The following CNTNAP2 variants were observed in gnomAD, a reference collection of about 807,000 sequenced individuals.
CNTNAP2 encodes the protein contactin associated protein 2.
A neutral mutation model predicts 155.2 loss-of-function variants in CNTNAP2; 98 were observed. That is an observed-to-expected ratio of 0.63 (90% CI 0.54 to 0.75). The LOEUF (loss-of-function observed/expected upper bound fraction) is 0.75, where lower values mean the gene tolerates loss of function less well. Ranked by LOEUF, CNTNAP2 falls within the 30% of genes least tolerant of loss-of-function variation. The pLI, the probability that CNTNAP2 is intolerant of heterozygous loss-of-function variation, is 0.00. For missense variants in CNTNAP2, 1,727 were observed against 1,688.1 expected, an observed-to-expected ratio of 1.02 and a Z score of -0.40; for synonymous variants, 651 against 631.2, an observed-to-expected ratio of 1.03 and a Z score of -0.47.
At chr7:148,212,430 A>G (rs1330232793) in intron 18 of CNTNAP2, among the ~76,000 whole-genome samples, 1 of 152,144 alleles carries the variant, frequency 6.6e-6, no homozygotes, top group Non-Finnish European at 1.5e-5. Flanking sequence ...AATTAAGCAA[A>G]TCCTTTTTAT....
At chr7:147,524,921 T>C (rs1225231338) in intron 11 of CNTNAP2, among the ~76,000 whole-genome samples, 2 of 152,148 alleles carry the variant, frequency 1.3e-5, no homozygotes, top group African/African-American at 4.8e-5. Context: ...ATTTCCACCA[T>C]TAAAAATGAC....
chr7:146,749,225 A>ATT (rs1801862443), intron 1 of CNTNAP2, among the ~76,000 whole-genome samples: 1 of 152,180 alleles, frequency 6.6e-6, no homozygotes, highest in Non-Finnish European at 1.5e-5. Context: ...CTATATGTAT[A>ATT]TGTATATATT....
At chr7:148,339,198 G>T (rs1798177328) in intron 21 of CNTNAP2, among the ~76,000 whole-genome samples, 1 of 151,316 alleles carries the variant, frequency 6.6e-6, no homozygotes, top group Admixed American at 6.6e-5. Flanking sequence ...CTCCTTGTAG[G>T]TCAACAGTAT....
At chr7:146,237,367 A>C (rs893579253) in intron 1 of CNTNAP2, among the ~76,000 whole-genome samples, 1 of 152,264 alleles carries the variant, frequency 6.6e-6, no homozygotes, top group South Asian at 2.1e-4. Context: ...ATACAAAGTG[A>C]TGAATACTGA....
chr7:146,253,202 ATACTC>A (rs1161325370), intron 1 of CNTNAP2, among the ~76,000 whole-genome samples: 9 of 152,156 alleles, frequency 5.9e-5, no homozygotes, highest in East Asian at 1.9e-4. Flanking sequence ...TTTCCTCACT[ATACTC>A]TACTATTTCA....
At chr7:147,812,098 A>T (rs1798188749) in intron 13 of CNTNAP2, among the ~76,000 whole-genome samples, 1 of 152,120 alleles carries the variant, frequency 6.6e-6, no homozygotes, top group Admixed American at 6.6e-5. Context: ...GAAGGAGGTG[A>T]CATTTATGAG....
intron 1 of CNTNAP2, among the ~76,000 whole-genome samples, chr7:146,340,457 G>A (rs1002272598): frequency 1.3e-5 from 2 of 151,510 alleles, no homozygotes; most frequent in African/African-American, 2.4e-5. Context: ...CTAAAGCTAG[G>A]GTTGACAGAT....
intron 3 of CNTNAP2, among the ~76,000 whole-genome samples, chr7:146,910,243 A>G (rs1455718953): frequency 3.4e-5 from 5 of 147,580 alleles, no homozygotes; most frequent in Admixed American, 6.7e-5. Context: ...GGTAATTTAC[A>G]GATTCAATGC....
chr7:146,447,557 CA>C (rs1467974514), intron 1 of CNTNAP2, among the ~76,000 whole-genome samples: 1 of 151,892 alleles, frequency 6.6e-6, no homozygotes, highest in Non-Finnish European at 1.5e-5. Context: ...TTTTCTTTGA[CA>C]TTACATAAAC....
intron 10 of CNTNAP2, among the ~76,000 whole-genome samples, chr7:147,460,070 A>ATGGTAT (rs1797993942): frequency 3.3e-5 from 5 of 151,984 alleles, no homozygotes; most frequent in African/African-American, 9.7e-5. Flanking sequence ...GTAGCAAACC[A>ATGGTAT]CCATGGCATG....
chr7:147,386,168 C>A (rs920640669), intron 9 of CNTNAP2, among the ~76,000 whole-genome samples: 1 of 152,106 alleles, frequency 6.6e-6, no homozygotes, highest in Non-Finnish European at 1.5e-5. Flanking sequence ...GAGCCCGACC[C>A]ATGAAATGAT....
chr7:147,950,364 CAAAAAAAAAAAAAA>C (rs386411606), intron 14 of CNTNAP2, among the ~76,000 whole-genome samples: 4 of 55,770 alleles, frequency 7.2e-5, no homozygotes, highest in Admixed American at 6.1e-4. Context: ...CATAGAGAGG[CAAAAAAAAAAAAAA>C]AAAAAAAAAA....
chr7:147,747,232 A>G (rs954050316), intron 13 of CNTNAP2, among the ~76,000 whole-genome samples: 3 of 152,078 alleles, frequency 2.0e-5, no homozygotes, highest in Non-Finnish European at 4.4e-5. Context: ...TCCTTCAATC[A>G]TGTCCTCCTT....
At chr7:148,364,828 C>G (rs950488711) in intron 21 of CNTNAP2, among the ~76,000 whole-genome samples, 1 of 152,194 alleles carries the variant, frequency 6.6e-6, no homozygotes, top group Non-Finnish European at 1.5e-5. Context: ...CTCTTCCACA[C>G]TTTGGAAGCT....
intron 1 of CNTNAP2, among the ~76,000 whole-genome samples, chr7:146,536,675 T>G (rs531672318): frequency 2.5e-4 from 35 of 142,554 alleles, no homozygotes; most frequent in African/African-American, 9.0e-4. Flanking sequence ...AAAAAATAAA[T>G]AATGTACTTG....
intron 9 of CNTNAP2, among the ~76,000 whole-genome samples, chr7:147,328,251 G>A (rs1795496565): frequency 6.6e-6 from 1 of 152,176 alleles, no homozygotes; most frequent in South Asian, 2.1e-4. Flanking sequence ...ACGATAAAGA[G>A]GGAGAGAGCC....
At chr7:147,955,199 A>T (rs2707588) in intron 14 of CNTNAP2, among the ~76,000 whole-genome samples, 85,167 of 152,072 alleles carry the variant, frequency 0.56, 24,372 homozygotes, top group Middle Eastern at 0.77. Flanking sequence ...CAACTCGTTG[A>T]TAGTCATCAA....
intron 1 of CNTNAP2, among the ~76,000 whole-genome samples, chr7:146,220,686 TATA>T (rs1293435260): frequency 2.0e-5 from 3 of 152,198 alleles, no homozygotes; most frequent in African/African-American, 7.2e-5. Context: ...GTATAAAATA[TATA>T]ATATCTGATT....
intron 1 of CNTNAP2, among the ~76,000 whole-genome samples, chr7:146,233,835 T>A (rs1025652966): frequency 9.2e-5 from 14 of 151,452 alleles, no homozygotes; most frequent in African/African-American, 3.2e-4. Context: ...ATGGTGTATA[T>A]GTGCCACATT....
Sources: allele counts gnomAD v4.1 joint callset (sites outside exome capture counted in the v4.1 genomes callset), GRCh38; gene constraint gnomAD v4.1.1; transcripts MANE v1.5; gene names NCBI Gene and HGNC (gene_info 2026-07-23, HGNC 2026-07-21).